RIMBP2: variants seen among roughly 807,000 people sequenced by gnomAD.
RIMBP2 encodes RIMS binding protein 2, also known as RIMS-binding protein 2.
In RIMBP2, 48 loss-of-function variants were observed where a neutral mutation model predicts 118.6. The observed-to-expected ratio is 0.40, with a 90% CI of 0.32 to 0.51. The LOEUF is 0.51. Ranked by LOEUF, RIMBP2 falls within the 20% of genes least tolerant of loss-of-function variation. RIMBP2 has a pLI of 0.41. For missense variants in RIMBP2, 1,551 were observed against 1,768.3 expected (o/e 0.88, Z 2.20); for synonymous variants, 762 against 742.9 (o/e 1.03, Z -0.42).
At chr12:130,660,843 G>A (rs550364470) in intron 1 of RIMBP2, among the ~76,000 whole-genome samples, 12 of 152,214 alleles carry the variant, frequency 7.9e-5, no homozygotes, top group African/African-American at 2.2e-4. Context: ...GGCGTGTCAC[G>A]CAGGCCACCT....
chr12:130,406,090 G>A, intron 21 of RIMBP2, 82 bp downstream of exon 21: 2 of 884,404 alleles, frequency 2.3e-6, no homozygotes, highest in Non-Finnish European at 3.7e-6. Flanking sequence ...TTAAGAGAAG[G>A]AACGGACTAG....
At chr12:130,664,591 C>T (rs987230901) in intron 1 of RIMBP2, among the ~76,000 whole-genome samples, 5 of 151,550 alleles carry the variant, frequency 3.3e-5, no homozygotes. Context: ...AAATATCACT[C>T]GCCACCCAGA....
intron 6 of RIMBP2, among the ~76,000 whole-genome samples, chr12:130,468,853 G>A (rs774550321): frequency 1.3e-5 from 2 of 152,222 alleles, no homozygotes; most frequent in African/African-American, 4.8e-5. Flanking sequence ...CAGCCTGACA[G>A]TCACAGCCTT....
chr12:130,477,108 G>A (rs546756388), intron 5 of RIMBP2, among the ~76,000 whole-genome samples: 17 of 152,262 alleles, frequency 1.1e-4, no homozygotes, highest in Admixed American at 1.3e-4. Flanking sequence ...TCTGCCCCTC[G>A]CCCCACTAGT....
chr12:130,552,919 G>A (rs997455029), intron 2 of RIMBP2, among the ~76,000 whole-genome samples: 21 of 152,116 alleles, frequency 1.4e-4, no homozygotes, highest in African/African-American at 4.8e-4. Context: ...TGGGGAGGCC[G>A]AGGCAGGCGG....
chr12:130,623,276 C>T lies in RIMBP2; in HGVS notation c.-217+5046G>A, dbSNP rs2061429657. On this transcript the variant is annotated intron_variant, in intron 2 of 22. Coordinates refer to ENST00000690449, the MANE Select transcript of RIMBP2 (RefSeq NM_001393629.1). This position sits in a 1 kb window ranked among gnomAD's most constrained non-coding sequence, Gnocchi z 4.1. ...CTTTTATTTTACTTTAAGTTCTTGG[C>T]TACATGTGCAGAACATGCAGGTTTG... Among the ~76,000 whole-genome samples, 1 of 152,144 alleles carries T rather than the reference C, an allele frequency of 6.6e-6. No individual in the cohort carries two copies. Among genetic ancestry groups the T allele is most frequent in the Admixed American group, 6.5e-5 (1 of 15,268 alleles).
chr12:130,621,844 G>A lies in RIMBP2; in HGVS notation c.-217+6478C>T, dbSNP rs150269754. ...CCTTGAAGGTAAACCTGGAGCCATC[G>A]CTGAACCCAGCCTGGTACTGAGGCC... On this transcript the variant is annotated intron_variant, in intron 2 of 22. Coordinates refer to ENST00000690449, the MANE Select transcript of RIMBP2 (RefSeq NM_001393629.1). The surrounding 1 kb of genome is among the most constrained non-coding windows in gnomAD (Gnocchi z 6.6). Among the ~76,000 whole-genome samples the A allele has an allele frequency of 5.3e-5, 8 of 152,214 alleles. No homozygotes were observed. Among genetic ancestry groups the A allele is most frequent in the Non-Finnish European group, 8.8e-5 (6 of 68,018 alleles).
At chr12:130,706,764 G>A (rs1216214231) in intron 1 of RIMBP2, among the ~76,000 whole-genome samples, 3 of 152,196 alleles carry the variant, frequency 2.0e-5, no homozygotes, top group Non-Finnish European at 2.9e-5. Flanking sequence ...ATTCAATGAG[G>A]CCGGCTCTTG....
At position 130,578,908 on chromosome 12, in the gene RIMBP2, C is replaced by T. The variant is rs2058272275; in HGVS notation, c.-217+49414G>A. On this transcript the variant is annotated intron_variant, in intron 2 of 22. Transcript: ENST00000690449. The surrounding 1 kb of genome is among the most constrained non-coding windows in gnomAD (Gnocchi z 4.1). ...ACCGTCTTTCATTATTAAATATATT[C>T]ATAGTTCTGCGGTGAAATATGTAAA... Among the ~76,000 whole-genome samples the T allele has an allele frequency of 6.6e-6, 1 of 152,122 alleles. No homozygotes were observed. The highest frequency in any genetic ancestry group is 1.5e-5 in the Non-Finnish European group (1 of 68,042).
chr12:130,539,379 G>C (rs952421667), intron 2 of RIMBP2, among the ~76,000 whole-genome samples: 1 of 152,212 alleles, frequency 6.6e-6, no homozygotes, highest in Non-Finnish European at 1.5e-5. Flanking sequence ...TAGAAAATGT[G>C]ATCAAAGAAG....
chr12:130,532,430 C>T (rs199760683), intron 2 of RIMBP2, among the ~76,000 whole-genome samples: 1,258 of 68,982 alleles, frequency 0.018, no homozygotes, highest in Admixed American at 0.027. Flanking sequence ...TGCGTGTGTT[C>T]AGCCTCTAGG....
intron 4 of RIMBP2, among the ~76,000 whole-genome samples, chr12:130,482,315 T>C (rs1156626059): frequency 6.6e-6 from 1 of 152,200 alleles, no homozygotes; most frequent in African/African-American, 2.4e-5. Context: ...ACTGGATTTA[T>C]TGAGCACCTA....
intron 2 of RIMBP2, among the ~76,000 whole-genome samples, chr12:130,597,776 A>G (rs1345220452): frequency 6.6e-6 from 1 of 152,266 alleles, no homozygotes; most frequent in African/African-American, 2.4e-5. Context: ...AATACTTGCA[A>G]TTAACAACCT....
intron 1 of RIMBP2, among the ~76,000 whole-genome samples, chr12:130,637,316 C>A (rs1473917031): frequency 6.6e-6 from 1 of 152,208 alleles, no homozygotes; most frequent in Non-Finnish European, 1.5e-5. Flanking sequence ...CCTTGTTGGT[C>A]TCACAGCCCA....
intron 2 of RIMBP2, among the ~76,000 whole-genome samples, chr12:130,567,428 T>C (rs1027922856): frequency 2.6e-5 from 4 of 152,234 alleles, no homozygotes; most frequent in Non-Finnish European, 4.4e-5. Flanking sequence ...ATTGCGCTCA[T>C]GTGCACTCTG....
At chr12:130,606,745 C>T (rs574534618) in intron 2 of RIMBP2, among the ~76,000 whole-genome samples, 5 of 152,278 alleles carry the variant, frequency 3.3e-5, no homozygotes, top group Non-Finnish European at 5.9e-5. Flanking sequence ...AAGAATTCTG[C>T]CCTGGTCCTA....
intron 2 of RIMBP2, among the ~76,000 whole-genome samples, chr12:130,609,447 C>A (rs1440949156): frequency 6.6e-6 from 1 of 150,748 alleles, no homozygotes; most frequent in East Asian, 1.9e-4. Context: ...GGGACCCCGA[C>A]CCCCAGAGGA....
At chr12:130,414,412 A>C in intron 17 of RIMBP2, 106 bp from the exon 18 acceptor site, 1 of 1,173,686 alleles carries the variant, frequency 8.5e-7, no homozygotes. Flanking sequence ...CGGTTCCTTG[A>C]CTTTTGTCTT....
intron 1 of RIMBP2, among the ~76,000 whole-genome samples, chr12:130,691,651 A>G (rs1376485814): frequency 6.6e-6 from 1 of 152,176 alleles, no homozygotes; most frequent in Non-Finnish European, 1.5e-5. Context: ...AGCCTGGACA[A>G]AAGAGCAAGA....
Sources: allele counts gnomAD v4.1 joint callset (sites outside exome capture counted in the v4.1 genomes callset), GRCh38; gene constraint gnomAD v4.1.1; non-coding constraint Gnocchi (gnomAD v3.1); transcripts MANE v1.5; gene names NCBI Gene and HGNC (gene_info 2026-07-23, HGNC 2026-07-21).